TMPRSS15: variants seen among roughly 807,000 people sequenced by gnomAD.
TMPRSS15 encodes the protein enteropeptidase.
A neutral mutation model predicts 125.3 loss-of-function variants in TMPRSS15; 128 were observed. The observed-to-expected ratio is 1.02, with a 90% confidence interval of 0.89 to 1.18. The LOEUF is 1.18. Among genes scored for constraint, TMPRSS15 ranks in the 50% most tolerant of loss-of-function variants. The pLI is 0.00. For synonymous variants in TMPRSS15, 446 were observed against 423.2 expected (o/e 1.05, Z -0.66); for missense variants, 1,283 against 1,212.7 (o/e 1.06, Z -0.86).
intron 1 of TMPRSS15, among the ~76,000 whole-genome samples, chr21:18,435,656 AG>A (rs2076226167): frequency 6.6e-6 from 1 of 152,186 alleles, no homozygotes; most frequent in South Asian, 2.1e-4. Context: ...AAAATGAGTT[AG>A]GGAGGATCCC....
At chr21:18,402,527 C>CAAAAAAAA (rs60612261) in intron 1 of TMPRSS15, among the ~76,000 whole-genome samples, 1 of 109,076 alleles carries the variant, frequency 9.2e-6, no homozygotes, top group Non-Finnish European at 1.8e-5. Flanking sequence ...GACTCTATCT[C>CAAAAAAAA]AAAAAAAAAA....
At chr21:18,480,552 T>C (rs1978963928) in intron 1 of TMPRSS15, among the ~76,000 whole-genome samples, 1 of 151,882 alleles carries the variant, frequency 6.6e-6, no homozygotes, top group East Asian at 1.9e-4. Flanking sequence ...TAAGTAAAGA[T>C]GAAATGACTG....
chr21:18,338,893 ATATTAT>A (rs1301061854), intron 13 of TMPRSS15, among the ~76,000 whole-genome samples: 1 of 152,116 alleles, frequency 6.6e-6, no homozygotes, highest in Non-Finnish European at 1.5e-5. Flanking sequence ...TTTATGACCA[ATATTAT>A]TCCATGAGAA....
Position 18,358,798 on chromosome 21 carries a change from CACA to C in TMPRSS15, c.880+956_880+958del, listed in dbSNP as rs201515770. On this transcript the variant is annotated intron_variant, in intron 8 of 24. Coordinates refer to ENST00000284885, the MANE Select transcript of TMPRSS15 (RefSeq NM_002772.3). ...ACATTGATTATTCAGTAGAGTATCACACAACAATACCTAATAAAAATGAGATAT... is the reference window on the plus strand; with the variant it reads ...ACATTGATTATTCAGTAGAGTATCACACAATACCTAATAAAAATGAGATAT... Among the ~76,000 whole-genome samples, 959 of 152,082 alleles carry C rather than the reference CACA, an allele frequency of 6.3e-3. 14 individuals are homozygous for C. Among genetic ancestry groups the C allele is most frequent in the African/African-American group, 0.022 (897 of 41,512 alleles).
intron 1 of TMPRSS15, among the ~76,000 whole-genome samples, chr21:18,459,749 T>A (rs1180858441): frequency 2.6e-5 from 4 of 152,206 alleles, no homozygotes; most frequent in Non-Finnish European, 5.9e-5. Flanking sequence ...TCATGGGAAT[T>A]GTTTTAAATA....
rs183240270 is a variant in TMPRSS15 at position 18,328,087 on chromosome 21, T to G, written c.1780+1082A>C. On this transcript the variant is annotated intron_variant, in intron 15 of 24. Coordinates refer to ENST00000284885, the MANE Select transcript of TMPRSS15 (RefSeq NM_002772.3). ...AGCAACAGCAAAAAATAGTGGTAGTTAGATAACATATTAGCTATTATGTTT... is the reference window on the plus strand; with the variant it reads ...AGCAACAGCAAAAAATAGTGGTAGTGAGATAACATATTAGCTATTATGTTT... Among the ~76,000 whole-genome samples the G allele has an allele frequency of 3.9e-3, 594 of 152,160 alleles. 3 individuals are homozygous for G. The highest frequency in any genetic ancestry group is 6.4e-3 in the Non-Finnish European group (437 of 68,004).
At chr21:18,429,626 A>T (rs2076212128) in intron 1 of TMPRSS15, among the ~76,000 whole-genome samples, 1 of 152,176 alleles carries the variant, frequency 6.6e-6, no homozygotes. Context: ...GCCACGTAGG[A>T]AGTGCCTTTC....
chr21:18,380,581 G>T (rs1416049175), intron 4 of TMPRSS15: 1 of 470,618 alleles, frequency 2.1e-6, no homozygotes, highest in African/African-American at 2.0e-5. Context: ...ATTCTCCAAA[G>T]ATGCTGGAAT....
At chr21:18,389,402 A>G (rs558315953) in intron 3 of TMPRSS15, among the ~76,000 whole-genome samples, 40 of 152,128 alleles carry the variant, frequency 2.6e-4, no homozygotes, top group Non-Finnish European at 5.1e-4. Context: ...CCATCTCTAC[A>G]CTGATGAAGT....
chr21:18,470,602 C>T (rs1978759181), intron 1 of TMPRSS15, among the ~76,000 whole-genome samples: 1 of 152,024 alleles, frequency 6.6e-6, no homozygotes, highest in Non-Finnish European at 1.5e-5. Context: ...TCAAGGTCTG[C>T]CCAGAGATTT....
At chr21:18,419,440 T>G (rs1438510641) in intron 1 of TMPRSS15, among the ~76,000 whole-genome samples, 1 of 152,094 alleles carries the variant, frequency 6.6e-6, no homozygotes, top group East Asian at 1.9e-4. Context: ...TTAGACCGGA[T>G]GGTCTCGATC....
chr21:18,396,126 C>T (rs1024877242), intron 3 of TMPRSS15, among the ~76,000 whole-genome samples: 1 of 152,208 alleles, frequency 6.6e-6, no homozygotes, highest in African/African-American at 2.4e-5. Flanking sequence ...CCATGCTCAT[C>T]TTGGCTTTCA....
At chr21:18,403,334 G>T in intron 1 of TMPRSS15, 144 bp downstream of exon 1, 1 of 1,068,794 alleles carries the variant, frequency 9.4e-7, no homozygotes, top group Non-Finnish European at 1.4e-6. Flanking sequence ...ATTTTGTCAT[G>T]AAGATTAATT....
intron 1 of TMPRSS15, among the ~76,000 whole-genome samples, chr21:18,412,663 T>G (rs778817478): frequency 6.6e-5 from 10 of 152,200 alleles, no homozygotes; most frequent in Non-Finnish European, 1.5e-4. Flanking sequence ...GTAGTGTGAT[T>G]TTGCTTAAAT....
intron 1 of TMPRSS15, among the ~76,000 whole-genome samples, chr21:18,426,616 AT>A (rs550429429): frequency 5.8e-4 from 89 of 152,220 alleles, no homozygotes; most frequent in African/African-American, 2.0e-3. Flanking sequence ...ATAAAAAGCT[AT>A]TTGTTTTAGC....
intron 3 of TMPRSS15, among the ~76,000 whole-genome samples, chr21:18,393,133 C>T (rs1189789560): frequency 6.6e-6 from 1 of 151,960 alleles, no homozygotes; most frequent in Admixed American, 6.6e-5. Context: ...AAACAGAAGG[C>T]CAGAGTGTGT....
At chr21:18,444,587 A>G (rs2076250842) in intron 1 of TMPRSS15, among the ~76,000 whole-genome samples, 1 of 152,188 alleles carries the variant, frequency 6.6e-6, no homozygotes, top group African/African-American at 2.4e-5. Context: ...TACCTATGTA[A>G]GAAATCTGCA....
At chr21:18,275,714 T>C (rs1235618069) in intron 23 of TMPRSS15, among the ~76,000 whole-genome samples, 1 of 152,182 alleles carries the variant, frequency 6.6e-6, no homozygotes, top group East Asian at 1.9e-4. Flanking sequence ...GAAGTGCTTT[T>C]CATTTGGCAC....
intron 1 of TMPRSS15, among the ~76,000 whole-genome samples, chr21:18,443,791 C>G (rs947063641): frequency 6.6e-6 from 1 of 152,244 alleles, no homozygotes; most frequent in Admixed American, 6.5e-5. Context: ...CAACCTCACC[C>G]TCTGACACCG....
Sources: gnomAD v4.1 joint callset for allele counts (sites outside exome capture counted in the v4.1 genomes callset) on GRCh38, gnomAD v4.1.1 for gene constraint, MANE v1.5 for transcripts, NCBI Gene and HGNC (gene_info 2026-07-23, HGNC 2026-07-21) for gene names.